GOLGA5: variants seen among roughly 807,000 people sequenced by gnomAD.
GOLGA5 encodes the protein golgin subfamily A member 5.
A neutral mutation model predicts 93.5 loss-of-function variants in GOLGA5; 50 were observed. That is an observed-to-expected ratio of 0.53 (90% CI 0.43 to 0.68). GOLGA5 has a LOEUF of 0.68. GOLGA5 is among the 30% of genes least tolerant of loss of function. The probability of loss-of-function intolerance (pLI) is 0.00; values close to 1 mark genes in which losing one functional copy is unlikely to be tolerated. For missense variants in GOLGA5, 760 were observed against 856.4 expected, an observed-to-expected ratio of 0.89 and a Z score of 1.40; for synonymous variants, 312 against 304.5, an observed-to-expected ratio of 1.02 and a Z score of -0.26.
intron 8 of GOLGA5, among the ~76,000 whole-genome samples, chr14:92,822,454 T>G (rs1566958448): frequency 6.6e-6 from 1 of 152,252 alleles, no homozygotes; most frequent in Non-Finnish European, 1.5e-5. Flanking sequence ...GATTGGCATG[T>G]GCTTTACTCT....
intron 6 of GOLGA5, among the ~76,000 whole-genome samples, chr14:92,815,466 G>C (rs937576991): frequency 2.0e-5 from 3 of 152,094 alleles, no homozygotes; most frequent in Admixed American, 6.5e-5. Flanking sequence ...TATCTTTATT[G>C]CGCAGAACAC....
intron 5 of GOLGA5, 45 bp downstream of exon 5, chr14:92,810,422 A>T: frequency 7.0e-7 from 1 of 1,437,256 alleles, no homozygotes; most frequent in Non-Finnish European, 9.3e-7. Context: ...TTGGACACGG[A>T]AAAAATGACT....
intron 2 of GOLGA5, among the ~76,000 whole-genome samples, chr14:92,802,733 T>C (rs1884900575): frequency 6.6e-6 from 1 of 151,370 alleles, no homozygotes; most frequent in African/African-American, 2.4e-5. Context: ...AATCAATTTA[T>C]TTATTTTTAA....
chr14:92,809,208 A>C, intron 3 of GOLGA5, 92 bp from the exon 4 acceptor site: 1 of 778,912 alleles, frequency 1.3e-6, no homozygotes, highest in Non-Finnish European at 2.1e-6. Context: ...CAATAAGGAA[A>C]GTACTAAAGG....
Position 92,834,419 on chromosome 14 carries a change from T to A in GOLGA5, c.1945+1072T>A, listed in dbSNP as rs143192520. Among the ~76,000 whole-genome samples the A allele has an allele frequency of 2.1e-3, 317 of 149,838 alleles. 2 individuals are homozygous for A. Among genetic ancestry groups the A allele is most frequent in the African/African-American group, 7.3e-3 (298 of 41,058 alleles). On this transcript the variant is annotated intron_variant, in intron 10 of 12. Coordinates refer to ENST00000163416, the MANE Select transcript of GOLGA5 (RefSeq NM_005113.4). ...CCCTTCCTGTGTCCATGTGTTCTCA[T>A]TGTTCAATTCCCACCTATGAGTGAG...
intron 2 of GOLGA5, among the ~76,000 whole-genome samples, chr14:92,801,008 C>T (rs1358230402): frequency 6.6e-6 from 1 of 152,160 alleles, no homozygotes; most frequent in African/African-American, 2.4e-5. Context: ...CCCTCCTGTT[C>T]TTTGTAGGAT....
At chr14:92,833,736 A>G (rs184995724) in intron 10 of GOLGA5, among the ~76,000 whole-genome samples, 2 of 152,374 alleles carry the variant, frequency 1.3e-5, no homozygotes, top group East Asian at 3.9e-4. Context: ...AACCATATCT[A>G]AAGAAATCTA....
At position 92,839,566 on chromosome 14, in the gene GOLGA5, T is replaced by TA. The variant is rs56664209; in HGVS notation, c.*122dup. ...AGATTATTTTATCACTACAAGCTTT[T>TA]AACTTTTTAAGTTATTGTACAAGTA... On this transcript the variant is annotated 3_prime_UTR_variant, in exon 13 of 13. Coordinates refer to ENST00000163416, the MANE Select transcript of GOLGA5 (RefSeq NM_005113.4). 202 of 641,430 alleles carry TA rather than the reference T, an allele frequency of 3.1e-4. No homozygotes were observed. In the African/African-American group the frequency reaches 3.4e-3, roughly 11 times the overall value. 39.7% of individuals were successfully genotyped at this position (641,430 alleles called of 1,614,324 possible).
intron 2 of GOLGA5, among the ~76,000 whole-genome samples, chr14:92,805,749 A>G (rs530950947): frequency 7.9e-5 from 12 of 152,164 alleles, no homozygotes; most frequent in African/African-American, 2.6e-4. Flanking sequence ...GAACTTTTTC[A>G]TTTGATTATT....
intron 7 of GOLGA5, 80 bp from the exon 8 acceptor site, chr14:92,819,628 T>G: frequency 2.8e-6 from 4 of 1,427,250 alleles, no homozygotes; most frequent in Non-Finnish European, 3.9e-6. Context: ...AGACTCTGAT[T>G]CTTAAAAAAG....
intron 9 of GOLGA5, among the ~76,000 whole-genome samples, chr14:92,826,848 A>G (rs955921688): frequency 2.0e-5 from 3 of 152,202 alleles, no homozygotes; most frequent in Admixed American, 6.5e-5. Flanking sequence ...TAAGCTATAA[A>G]GCTTCTAGGA....
chr14:92,797,034 A>G (rs1202310738), intron 1 of GOLGA5, among the ~76,000 whole-genome samples: 2 of 131,430 alleles, frequency 1.5e-5, no homozygotes, highest in Non-Finnish European at 3.4e-5. Flanking sequence ...TAATAAAAAC[A>G]GTAATTTATT....
At chr14:92,808,318 C>G (rs1340020214) in intron 3 of GOLGA5, among the ~76,000 whole-genome samples, 1 of 151,862 alleles carries the variant, frequency 6.6e-6, no homozygotes, top group Admixed American at 6.6e-5. Context: ...CTTTACTTTA[C>G]CCACACTAAT....
rs776326250 is a variant in GOLGA5, at chr14:92,839,470, T to C, written c.*24T>C. On this transcript the variant is annotated 3_prime_UTR_variant, in exon 13 of 13. Transcript: ENST00000163416. ...GAACCAAGCCCAGTTGTTGCAGTGA[T>C]TGGTTGTCTTTTTCTAGACTTGGGA... 3.3e-6 allele frequency: 5 copies of C among 1,526,140 alleles called. No homozygotes were observed. The highest frequency in any genetic ancestry group is 2.2e-5 in the East Asian group (1 of 44,510). The allele number at this position is 1,526,140 out of a possible 1,614,324, so 94.5% of individuals were successfully genotyped here.
chr14:92,831,586 C>T (rs1016828828), intron 9 of GOLGA5, among the ~76,000 whole-genome samples: 5 of 152,110 alleles, frequency 3.3e-5, no homozygotes, highest in Non-Finnish European at 7.4e-5. Flanking sequence ...TACCGTCAAA[C>T]ATTTGTCACA....
In GOLGA5 at chr14:92,833,620, C is replaced by T. The variant is rs192014726; in HGVS notation, c.1945+273C>T. 1.0e-3 allele frequency among the ~76,000 whole-genome samples: 153 copies of T among 152,152 alleles called. 1 individual carries two copies. Among genetic ancestry groups the T allele is most frequent in the African/African-American group, 3.6e-3 (150 of 41,502 alleles). On this transcript the variant is annotated intron_variant, in intron 10 of 12. Coordinates refer to ENST00000163416, the MANE Select transcript of GOLGA5 (RefSeq NM_005113.4). The stretch of plus-strand genomic sequence containing the variant: ...ACTTAACAAGATGATGCTGACAAGG[C>T]GAGGAATTCAGTAGAGAGGAGCTTT...
intron 3 of GOLGA5, among the ~76,000 whole-genome samples, chr14:92,807,723 A>G (rs1042254302): frequency 5.3e-5 from 8 of 152,214 alleles, no homozygotes; most frequent in Non-Finnish European, 8.8e-5. Flanking sequence ...GAAAACCTCA[A>G]GTTCCTCAGA....
intron 8 of GOLGA5, 141 bp from the exon 9 acceptor site, chr14:92,824,405 T>TG: frequency 2.0e-6 from 1 of 512,182 alleles, no homozygotes; most frequent in Non-Finnish European, 3.6e-6. Flanking sequence ...TAATACACTC[T>TG]GTTATAAACT....
chr14:92,833,211 C>G lies in GOLGA5; in HGVS notation c.1809C>G (p.Thr603=). Residue 603 remains threonine (T), a synonymous_variant, in exon 10 of 13, where the codon ACC becomes ACG. Transcript: ENST00000163416. ...CAGAGACTCTCATCCAGAAACAGACCATGCTGGAGAGTCTCAGCACAGAAA... is the reference window on the plus strand; with the variant it reads ...CAGAGACTCTCATCCAGAAACAGACGATGCTGGAGAGTCTCAGCACAGAAA... ...QLTETLIQKQ[T]MLESLSTEKN... 6.2e-7 allele frequency: 1 copy of G among 1,611,482 alleles called. No homozygotes were observed. The highest frequency in any genetic ancestry group is 1.1e-5 in the South Asian group (1 of 91,032).
Sources: allele counts gnomAD v4.1 joint callset (sites outside exome capture counted in the v4.1 genomes callset), GRCh38; gene constraint gnomAD v4.1.1; transcripts MANE v1.5; gene names NCBI Gene and HGNC (gene_info 2026-07-23, HGNC 2026-07-21).